The following DHDDS variants were observed in gnomAD, a reference collection of about 807,000 sequenced individuals.
DHDDS encodes dehydrodolichyl diphosphate synthase complex subunit DHDDS.
A neutral mutation model predicts 46.2 loss-of-function variants in DHDDS; 16 were observed. The observed-to-expected ratio is 0.35, with a 90% CI of 0.23 to 0.53. The LOEUF is 0.53. Ranked by LOEUF, DHDDS falls within the 20% of genes least tolerant of loss-of-function variation. The pLI is 0.94. For synonymous variants in DHDDS, 151 were observed against 163.1 expected (o/e 0.93, Z 0.56); for missense variants, 340 against 423.7 (o/e 0.80, Z 1.73).
intron 8 of DHDDS, 66 bp from the exon 9 acceptor site, chr1:26,468,825 CTCCT>C: frequency 6.3e-7 from 1 of 1,578,142 alleles, no homozygotes. Flanking sequence ...CACCCCCTAC[CTCCT>C]CCATCCCAGT....
chr1:26,464,608 T>A (rs80272791), intron 8 of DHDDS, among the ~76,000 whole-genome samples: 1 of 152,272 alleles, frequency 6.6e-6, no homozygotes, highest in African/African-American at 2.4e-5. Context: ...ACTAACAGCA[T>A]CCTCACCAGT....
At chr1:26,458,464 G>T (rs974878395) in intron 7 of DHDDS, among the ~76,000 whole-genome samples, 1 of 152,160 alleles carries the variant, frequency 6.6e-6, no homozygotes, top group Non-Finnish European at 1.5e-5. Context: ...AACGCAGGGC[G>T]TGGTGGCTCA....
chr1:26,461,435 G>A (rs1319202764), intron 8 of DHDDS, among the ~76,000 whole-genome samples: 2 of 151,044 alleles, frequency 1.3e-5, no homozygotes, highest in Non-Finnish European at 2.9e-5. Context: ...GCCCAGGCTG[G>A]AGTGCAATGG....
rs777046093 is a variant in DHDDS, at chr1:26,432,969, G to T, written c.24G>T (p.Glu8Asp). MSWIKEG[E>D]LSLWERFCAN... is the part of the protein sequence containing the mutation. ...CTATGTCATGGATCAAGGAAGGAGA[G>T]CTGTCACTTTGGGAGCGGTTCTGTG... The change falls in exon 2 of 9, where the codon GAG (glutamate) becomes GAT (aspartate). Residue 8 changes from glutamate to aspartate, a missense_variant. Physicochemically the swap from Glu to Asp is conservative, Grantham distance 45 (BLOSUM62 2). This residue lies in a region of DHDDS where 72 missense variants were observed against 123.5 expected (regional missense o/e 0.58). Coordinates refer to ENST00000236342, the MANE Select transcript of DHDDS (RefSeq NM_205861.3). 1.2e-6 allele frequency: 2 copies of T among 1,614,214 alleles called. No individual in the cohort carries two copies. The highest frequency in any genetic ancestry group is 1.7e-6 in the Non-Finnish European group (2 of 1,180,028).
At chr1:26,438,994 T>C (rs2075190490) in intron 3 of DHDDS, among the ~76,000 whole-genome samples, 1 of 152,200 alleles carries the variant, frequency 6.6e-6, no homozygotes, top group Non-Finnish European at 1.5e-5. Flanking sequence ...GTACAGTGCA[T>C]GATCTCTGCT....
At chr1:26,462,133 C>T (rs1000858622) in intron 8 of DHDDS, among the ~76,000 whole-genome samples, 1 of 150,674 alleles carries the variant, frequency 6.6e-6, no homozygotes, top group African/African-American at 2.4e-5. Flanking sequence ...CTTTGGCTTA[C>T]TTCAGCCTCC....
At position 26,432,895 on chromosome 1, in the gene DHDDS, C is replaced by G. The variant is rs1273020759; in HGVS notation, c.-51C>G. 11 of 1,591,754 alleles carry G rather than the reference C, an allele frequency of 6.9e-6. No homozygotes were observed. Among genetic ancestry groups the G allele is most frequent in the Non-Finnish European group, 8.6e-6 (10 of 1,159,880 alleles). On this transcript the variant is annotated 5_prime_UTR_variant, in exon 2 of 9. Coordinates refer to ENST00000236342, the MANE Select transcript of DHDDS (RefSeq NM_205861.3). Reference sequence around the variant, plus strand: ...TTTCTTTCTTGTTTATCCAAGATTACCTGGCTGGTGTTTGCTTGTTCTGGA... The same window carrying G: ...TTTCTTTCTTGTTTATCCAAGATTAGCTGGCTGGTGTTTGCTTGTTCTGGA...
At chr1:26,456,731 G>A (rs1371304922) in intron 6 of DHDDS, among the ~76,000 whole-genome samples, 1 of 152,160 alleles carries the variant, frequency 6.6e-6, no homozygotes, top group African/African-American at 2.4e-5. Context: ...AATAACAGAA[G>A]TACATAAAGT....
intron 2 of DHDDS, among the ~76,000 whole-genome samples, chr1:26,434,043 A>G (rs1386303557): frequency 1.3e-5 from 2 of 152,200 alleles, no homozygotes; most frequent in African/African-American, 4.8e-5. Flanking sequence ...CTGAAAGTCC[A>G]GTTCTATCAT....
intron 8 of DHDDS, among the ~76,000 whole-genome samples, chr1:26,467,855 G>T (rs2075508318): frequency 6.6e-6 from 1 of 152,214 alleles, no homozygotes; most frequent in Non-Finnish European, 1.5e-5. Context: ...GAACAGAGAG[G>T]ATCAGTGAGG....
intron 6 of DHDDS, among the ~76,000 whole-genome samples, chr1:26,449,858 G>A (rs886879363): frequency 2.0e-5 from 3 of 152,062 alleles, no homozygotes; most frequent in African/African-American, 7.2e-5. Context: ...CGCGCCCGGC[G>A]GTTTTAGACT....
chr1:26,439,822 T>C (rs2075200150), intron 3 of DHDDS, among the ~76,000 whole-genome samples: 1 of 152,188 alleles, frequency 6.6e-6, no homozygotes, highest in Non-Finnish European at 1.5e-5. Context: ...AAGAATGGAA[T>C]ATGACAATCT....
At chr1:26,458,435 A>G (rs764444869) in intron 7 of DHDDS, among the ~76,000 whole-genome samples, 2 of 152,236 alleles carry the variant, frequency 1.3e-5, no homozygotes, top group Non-Finnish European at 2.9e-5. Context: ...TTAATGGACC[A>G]CAATCTTAAA....
rs970738801 is a variant in DHDDS, at chr1:26,470,575, T to C, written c.*1444T>C. On this transcript the variant is annotated 3_prime_UTR_variant, in exon 9 of 9. Transcript: ENST00000236342. Reference sequence around the variant, plus strand: ...CTATACCCCACCCGCCTCTTCCCCTTTCTGTCCCGGGATACCTGGCGGCAA... The same window carrying C: ...CTATACCCCACCCGCCTCTTCCCCTCTCTGTCCCGGGATACCTGGCGGCAA... 6.6e-6 allele frequency: 1 copy of C among 152,540 alleles called. No homozygotes were observed. Among genetic ancestry groups the C allele is most frequent in the Non-Finnish European group, 1.5e-5 (1 of 68,042 alleles). The allele number at this position is 152,540 out of a possible 1,614,324, so 9.4% of individuals were successfully genotyped here. A position where few individuals can be genotyped will look rare whatever the true frequency, so the allele number is the denominator to read the frequency against.
intron 8 of DHDDS, among the ~76,000 whole-genome samples, chr1:26,461,000 A>G (rs945599109): frequency 6.6e-6 from 1 of 152,018 alleles, no homozygotes; most frequent in Non-Finnish European, 1.5e-5. Context: ...CAGCCTCCCA[A>G]CTAGCTGGGA....
intron 8 of DHDDS, among the ~76,000 whole-genome samples, chr1:26,466,015 A>G (rs1416625700): frequency 6.6e-6 from 1 of 152,174 alleles, no homozygotes; most frequent in Non-Finnish European, 1.5e-5. Flanking sequence ...TACTGGAGGG[A>G]CTATTACATC....
intron 8 of DHDDS, among the ~76,000 whole-genome samples, chr1:26,462,064 T>G (rs2075428622): frequency 1.4e-5 from 2 of 147,834 alleles, no homozygotes; most frequent in African/African-American, 2.5e-5. Flanking sequence ...TATTTTTTGT[T>G]TTTTTTTTTT....
At chr1:26,457,222 G>A (rs1221847249) in intron 6 of DHDDS, among the ~76,000 whole-genome samples, 5 of 151,336 alleles carry the variant, frequency 3.3e-5, no homozygotes, top group Admixed American at 2.0e-4. Flanking sequence ...ACTTTCAGAG[G>A]CCGAGGGGGG....
chr1:26,451,590 G>A (rs184497992), intron 6 of DHDDS, among the ~76,000 whole-genome samples: 1 of 151,376 alleles, frequency 6.6e-6, no homozygotes, highest in Non-Finnish European at 1.5e-5. Context: ...TGAGTAGCCA[G>A]GATTATAGGT....
Sources: allele counts gnomAD v4.1 joint callset (sites outside exome capture counted in the v4.1 genomes callset), GRCh38; gene constraint gnomAD v4.1.1; regional missense constraint gnomAD v4.1.1; transcripts MANE v1.5; gene names NCBI Gene and HGNC (gene_info 2026-07-23, HGNC 2026-07-21).